Variants in EPHA6 observed in about 807,000 individuals in gnomAD.
EPHA6 encodes the protein EPH receptor A6, also known as ephrin type-A receptor 6.
EPHA6 carries 50 observed loss-of-function variants against 112.0 expected under a neutral mutation model. The observed-to-expected ratio is 0.45, with a 90% CI of 0.36 to 0.56. EPHA6 has a LOEUF of 0.56. Ranked by LOEUF, EPHA6 falls within the 20% of genes least tolerant of loss-of-function variation. The probability of loss-of-function intolerance (pLI) is 0.00; values close to 1 mark genes in which losing one functional copy is unlikely to be tolerated. For missense variants in EPHA6, 1,280 were observed against 1,417.4 expected (o/e 0.90, Z 1.56); for synonymous variants, 529 against 490.7 (o/e 1.08, Z -1.03).
intron 11 of EPHA6, among the ~76,000 whole-genome samples, chr3:97,569,082 T>C (rs977701231): frequency 6.6e-6 from 1 of 152,156 alleles, no homozygotes; most frequent in African/African-American, 2.4e-5. Flanking sequence ...AGAATAGATA[T>C]GAAGGCCCCA....
chr3:96,847,093 C>G (rs2107351188), intron 1 of EPHA6, among the ~76,000 whole-genome samples: 1 of 152,150 alleles, frequency 6.6e-6, no homozygotes, highest in African/African-American at 2.4e-5. Flanking sequence ...TTTTAGAAAC[C>G]TGGTTTATTT....
At chr3:97,086,606 C>G (rs779968190) in intron 3 of EPHA6, among the ~76,000 whole-genome samples, 20 of 151,860 alleles carry the variant, frequency 1.3e-4, no homozygotes, top group Non-Finnish European at 2.4e-4. Context: ...TACACATAAG[C>G]ACATATACAT....
At chr3:97,417,827 G>C (rs768389422) in intron 6 of EPHA6, among the ~76,000 whole-genome samples, 10 of 152,136 alleles carry the variant, frequency 6.6e-5, no homozygotes, top group Non-Finnish European at 1.5e-4. Flanking sequence ...AGCATACACT[G>C]ATTTCTTATA....
rs1576546124 is a variant in EPHA6, at chr3:97,133,302, T to C, written c.1115-92962T>C. ...TTGACAAAAATAGTTGCTCAAAGCT[T>C]AAGCAACAAGGTTTTTTAAGATATG... On this transcript the variant is annotated intron_variant, in intron 3 of 17. Coordinates refer to ENST00000389672, the MANE Select transcript of EPHA6 (RefSeq NM_001080448.3). Among the ~76,000 whole-genome samples the C allele has an allele frequency of 3.3e-5, 5 of 152,174 alleles. 1 individual carries two copies. In the East Asian group the frequency reaches 9.7e-4, roughly 29 times the overall value.
At position 97,715,492 on chromosome 3, in the gene EPHA6, C is replaced by G. The variant is rs186425316; in HGVS notation, c.2785-4769C>G. Among the ~76,000 whole-genome samples the G allele has an allele frequency of 1.8e-3, 279 of 152,218 alleles. 1 individual carries two copies. The highest frequency in any genetic ancestry group is 6.1e-3 in the African/African-American group (255 of 41,536). On this transcript the variant is annotated intron_variant, in intron 14 of 17. Transcript: ENST00000389672. ...CTATAGAGATAGATTGAGAACAGAG[C>G]AAAAGTCTACAGACAGATTACTGTC...
At chr3:97,746,187 A>G (rs1402292577) in intron 16 of EPHA6, among the ~76,000 whole-genome samples, 1 of 151,902 alleles carries the variant, frequency 6.6e-6, no homozygotes, top group African/African-American at 2.4e-5. Context: ...CAATATTCCA[A>G]TAAAAATAAC....
chr3:96,875,658 T>C (rs780194698), intron 2 of EPHA6, among the ~76,000 whole-genome samples: 3 of 151,026 alleles, frequency 2.0e-5, no homozygotes, highest in Non-Finnish European at 4.4e-5. Context: ...GAATTCATTT[T>C]TCAGTATCCC....
At chr3:96,891,545 C>T (rs931599550) in intron 2 of EPHA6, among the ~76,000 whole-genome samples, 19 of 152,054 alleles carry the variant, frequency 1.2e-4, no homozygotes, top group Admixed American at 5.9e-4. Context: ...CCTGTCTCTA[C>T]TAAAAATACA....
intron 15 of EPHA6, among the ~76,000 whole-genome samples, chr3:97,728,809 CA>C (rs1337971033): frequency 6.6e-6 from 1 of 152,134 alleles, no homozygotes; most frequent in Non-Finnish European, 1.5e-5. Flanking sequence ...CCATGACTTA[CA>C]AACTGAATGA....
At chr3:97,026,252 G>T (rs548044209) in intron 3 of EPHA6, among the ~76,000 whole-genome samples, 30 of 151,772 alleles carry the variant, frequency 2.0e-4, no homozygotes, top group African/African-American at 6.8e-4. Context: ...ATGGCCAATC[G>T]GGCTCTTTTT....
chr3:96,872,558 T>G (rs2036689813), intron 2 of EPHA6, among the ~76,000 whole-genome samples: 1 of 152,114 alleles, frequency 6.6e-6, no homozygotes, highest in African/African-American at 2.4e-5. Flanking sequence ...TGAGAAAGTC[T>G]TTATATCTTC....
Position 97,756,598 on chromosome 3 carries a change from ATG to A in EPHA6, c.*7899_*7900del, listed in dbSNP as rs2036032083. Among the ~76,000 whole-genome samples the A allele has an allele frequency of 6.6e-6, 1 of 151,930 alleles. No homozygotes were observed. The highest frequency in any genetic ancestry group is 6.5e-5 in the Admixed American group (1 of 15,268). Reference sequence around the variant, plus strand: ...ATGCTAGATATGTCTTCAAAGAAAAATGTATTAATATATTCATACTATGCAAA... The same window carrying A: ...ATGCTAGATATGTCTTCAAAGAAAAATATTAATATATTCATACTATGCAAA... On this transcript the variant is annotated 3_prime_UTR_variant, in exon 18 of 18. Transcript: ENST00000389672.
At chr3:97,523,200 G>A (rs574864799) in intron 10 of EPHA6, among the ~76,000 whole-genome samples, 22 of 152,106 alleles carry the variant, frequency 1.4e-4, no homozygotes, top group Non-Finnish European at 2.6e-4. Context: ...TGCCTTTGGT[G>A]CATCCCATAA....
chr3:96,920,134 A>G (rs947697483), intron 2 of EPHA6, among the ~76,000 whole-genome samples: 1 of 151,958 alleles, frequency 6.6e-6, no homozygotes, highest in Non-Finnish European at 1.5e-5. Context: ...TTTAATCATA[A>G]TAAATGATTG....
intron 5 of EPHA6, among the ~76,000 whole-genome samples, chr3:97,260,659 T>A (rs2079471122): frequency 1.3e-5 from 2 of 152,202 alleles, no homozygotes; most frequent in Non-Finnish European, 2.9e-5. Context: ...ACAGTTTTGA[T>A]CATGATTTAT....
At chr3:97,065,450 A>G (rs1261488450) in intron 3 of EPHA6, among the ~76,000 whole-genome samples, 1 of 152,138 alleles carries the variant, frequency 6.6e-6, no homozygotes, top group African/African-American at 2.4e-5. Context: ...ATCTCTTAAT[A>G]GGAAGATGCA....
At chr3:97,646,694 C>T (rs1375259139) in intron 14 of EPHA6, among the ~76,000 whole-genome samples, 1 of 152,182 alleles carries the variant, frequency 6.6e-6, no homozygotes, top group Non-Finnish European at 1.5e-5. Flanking sequence ...ATGCCCACTG[C>T]ATCCTGAGCT....
At chr3:97,202,657 T>G (rs757053179) in intron 3 of EPHA6, among the ~76,000 whole-genome samples, 2 of 152,066 alleles carry the variant, frequency 1.3e-5, no homozygotes, top group Non-Finnish European at 2.9e-5. Flanking sequence ...CTTTAGTGAA[T>G]AGTAATAACA....
At chr3:97,327,831 GTGTGTGTATATATATATATATGTATA>G (rs1318528226) in intron 5 of EPHA6, among the ~76,000 whole-genome samples, 2 of 132,374 alleles carry the variant, frequency 1.5e-5, no homozygotes, top group African/African-American at 3.9e-5. Context: ...TCCTTGGTGT[GTGTGTGTATATATATATATATGTATA>G]TGTGTGTATA....
Sources: allele counts gnomAD v4.1 joint callset (sites outside exome capture counted in the v4.1 genomes callset), GRCh38; gene constraint gnomAD v4.1.1; transcripts MANE v1.5; gene names NCBI Gene and HGNC (gene_info 2026-07-23, HGNC 2026-07-21).